SYT7: variants seen among roughly 807,000 people sequenced by gnomAD.
SYT7 encodes synaptotagmin 7, also known as synaptotagmin-7.
Under a neutral mutation model 75.1 loss-of-function variants are expected in SYT7, and 29 were observed. That is an observed-to-expected ratio of 0.39 (90% CI 0.29 to 0.53). The LOEUF is 0.53. SYT7 is among the 20% of genes least tolerant of loss of function. The pLI, the probability that SYT7 is intolerant of heterozygous loss-of-function variation, is 0.77. For synonymous variants in SYT7, 376 were observed against 401.7 expected (o/e 0.94, Z 0.76); for missense variants, 693 against 953.2 (o/e 0.73, Z 3.59).
chr11:61,523,123 G>A lies in SYT7; in HGVS notation c.1908C>T (p.Ile636=), dbSNP rs772294777. Residue 636 remains isoleucine, a synonymous_variant, in exon 12 of 13, where the codon ATC becomes ATT. Coordinates refer to ENST00000539008, the MANE Select transcript of SYT7 (RefSeq NM_001365809.2). The surrounding 1 kb of genome is among the most constrained non-coding windows in gnomAD (Gnocchi z 5.0). ...TEKLRETTII[I]TVMDKDKLSR... ...TGAGCTTGTCCTTGTCCATGACAGT[G>A]ATGATGATGGTCGTCTCCCTCAGCT... 1 of 1,614,228 alleles carries A rather than the reference G, an allele frequency of 6.2e-7. No individual in the cohort carries two copies. The highest frequency in any genetic ancestry group is 1.3e-5 in the African/African-American group (1 of 75,054).
At chr11:61,568,842 T>C (rs758129839) in intron 1 of SYT7, among the ~76,000 whole-genome samples, 1 of 152,202 alleles carries the variant, frequency 6.6e-6, no homozygotes, top group Non-Finnish European at 1.5e-5. Context: ...ACCCTCATGA[T>C]CTTGAGGGGT....
chr11:61,577,352 G>A (rs1201890279), intron 1 of SYT7, among the ~76,000 whole-genome samples: 3 of 152,364 alleles, frequency 2.0e-5, no homozygotes, highest in South Asian at 2.1e-4. Context: ...AGGGAGGCCC[G>A]GGCATGTGCC....
chr11:61,551,710 C>T lies in SYT7; in HGVS notation c.136-247G>A, dbSNP rs2063357432. ...ACCCACCTCGACCCGAACCTCATCC[C>T]TGACTCCCAGGGATCAGCCCCTCCT... On this transcript the variant is annotated intron_variant, in intron 2 of 12. Coordinates refer to ENST00000539008, the MANE Select transcript of SYT7 (RefSeq NM_001365809.2). This position sits in a 1 kb window ranked among gnomAD's most constrained non-coding sequence, Gnocchi z 5.3. 6.6e-6 allele frequency among the ~76,000 whole-genome samples: 1 copy of T among 152,164 alleles called. No individual in the cohort carries two copies. The highest frequency in any genetic ancestry group is 6.5e-5 in the Admixed American group (1 of 15,282).
At chr11:61,575,269 G>A (rs1397628185) in intron 1 of SYT7, among the ~76,000 whole-genome samples, 1 of 152,118 alleles carries the variant, frequency 6.6e-6, no homozygotes, top group Non-Finnish European at 1.5e-5. Flanking sequence ...CTCCAGGAAG[G>A]ACACCGAAGG....
chr11:61,559,299 C>T (rs771994758), intron 1 of SYT7, among the ~76,000 whole-genome samples: 6 of 151,914 alleles, frequency 3.9e-5, no homozygotes, highest in East Asian at 1.9e-4. Flanking sequence ...GGAAGTGAGG[C>T]GAAAGTAGGA....
chr11:61,527,618 G>A (rs1338000051), intron 9 of SYT7, among the ~76,000 whole-genome samples: 1 of 152,168 alleles, frequency 6.6e-6, no homozygotes, highest in East Asian at 1.9e-4. Context: ...TGGCTGTGAT[G>A]CTGGCTCCAT....
At chr11:61,578,274 T>C (rs2064141320) in intron 1 of SYT7, among the ~76,000 whole-genome samples, 1 of 152,128 alleles carries the variant, frequency 6.6e-6, no homozygotes, top group African/African-American at 2.4e-5. Context: ...AGCTGAGCCC[T>C]TAGGGACCTG....
intron 8 of SYT7, among the ~76,000 whole-genome samples, chr11:61,532,439 C>T (rs985931807): frequency 1.3e-5 from 2 of 152,158 alleles, no homozygotes; most frequent in African/African-American, 4.8e-5. Flanking sequence ...TGGGTGTGGA[C>T]AGGAGCCCCC....
At chr11:61,560,699 C>T (rs544407253) in intron 1 of SYT7, among the ~76,000 whole-genome samples, 6 of 152,260 alleles carry the variant, frequency 3.9e-5, no homozygotes, top group Admixed American at 2.0e-4. Flanking sequence ...AGCATGTTCT[C>T]GCCTACCAGC....
chr11:61,541,247 G>A lies in SYT7; in HGVS notation c.941+964C>T, dbSNP rs150370429. ...GCTTAGTGTGCTGGTCTCCTGCTCCGTGAAAAGTGCTCCCAGGGAAGACCT... is the reference window on the plus strand; with the variant it reads ...GCTTAGTGTGCTGGTCTCCTGCTCCATGAAAAGTGCTCCCAGGGAAGACCT... On this transcript the variant is annotated intron_variant, in intron 6 of 12. Coordinates refer to ENST00000539008, the MANE Select transcript of SYT7 (RefSeq NM_001365809.2). 112 of 985,488 alleles carry A rather than the reference G, an allele frequency of 1.1e-4. No individual in the cohort carries two copies. The East Asian group carries it at 3.8e-3, about 33-fold the overall frequency. The allele number at this position is 985,488 out of a possible 1,614,324, so 61.0% of individuals were successfully genotyped here.
chr11:61,581,520 G>C (rs2064273508), upstream of SYT7, among the ~76,000 whole-genome samples: 2 of 152,250 alleles, frequency 1.3e-5, no homozygotes, highest in South Asian at 2.1e-4. Flanking sequence ...CTGGCGGCTC[G>C]AGGGCGTCAG....
chr11:61,573,629 C>G (rs1356200691), intron 1 of SYT7, among the ~76,000 whole-genome samples: 3 of 152,218 alleles, frequency 2.0e-5, no homozygotes, highest in Non-Finnish European at 4.4e-5. Flanking sequence ...AAAATGCCAA[C>G]TCCTTCATAA....
chr11:61,523,851 C>A lies in SYT7; in HGVS notation c.1732G>T (p.Ala578Ser), dbSNP rs2062425843. The A allele has an allele frequency of 6.2e-7, 1 of 1,614,020 alleles. No homozygotes were observed. ...CCTGATGTGCCCCCGATGTCCATGG[C>A]TTTGAGGTTCCGGGCTTTGATGATG... Reference protein sequence around the residue: ...VNIIKARNLKAMDIGGTSDPY... With the variant: ...VNIIKARNLKSMDIGGTSDPY... The change falls in exon 11 of 13, where the codon GCC becomes TCC. Residue 578 changes from alanine (A) to serine (S), a missense_variant. Physicochemically the swap from Ala to Ser is moderately conservative, Grantham distance 99. Coordinates refer to ENST00000539008, the MANE Select transcript of SYT7 (RefSeq NM_001365809.2). This position sits in a 1 kb window ranked among gnomAD's most constrained non-coding sequence, Gnocchi z 5.0.
chr11:61,521,770 ATGAC>A (rs2062343157), intron 12 of SYT7, among the ~76,000 whole-genome samples: 1 of 151,970 alleles, frequency 6.6e-6, no homozygotes, highest in African/African-American at 2.4e-5. Flanking sequence ...CCCTTCCTCC[ATGAC>A]TGCCCTGAGC....
At chr11:61,556,290 C>G in intron 1 of SYT7, 83 bp from the exon 2 acceptor site, 1 of 1,126,604 alleles carries the variant, frequency 8.9e-7, no homozygotes, top group Non-Finnish European at 1.3e-6. Flanking sequence ...AGAACCACCA[C>G]CCTACCCTCC....
intron 3 of SYT7, among the ~76,000 whole-genome samples, chr11:61,548,009 C>T (rs949842800): frequency 5.3e-5 from 8 of 152,228 alleles, no homozygotes; most frequent in Non-Finnish European, 1.2e-4. Flanking sequence ...TTCCTCTGCT[C>T]TCTCTTCTAC....
In SYT7 at chr11:61,551,579, G is replaced by T; in HGVS notation, c.136-116C>A. The T allele has an allele frequency of 9.5e-7, 1 of 1,048,506 alleles. No homozygotes were observed. Among genetic ancestry groups the T allele is most frequent in the Non-Finnish European group, 1.4e-6 (1 of 701,078 alleles). 65.0% of individuals were successfully genotyped at this position (1,048,506 alleles called of 1,614,324 possible). On this transcript the variant is annotated intron_variant, in intron 2 of 12. Coordinates refer to ENST00000539008, the MANE Select transcript of SYT7 (RefSeq NM_001365809.2). The surrounding 1 kb of genome is among the most constrained non-coding windows in gnomAD (Gnocchi z 5.3). ...ACTGGAGTCGGGCCGTGGCAACAAG[G>T]CCAGGACCAGTGTGCGAGGCTGTCA...
chr11:61,551,034 G>A lies in SYT7; in HGVS notation c.215+350C>T, dbSNP rs1341471847. Among the ~76,000 whole-genome samples, 1 of 152,190 alleles carries A rather than the reference G, an allele frequency of 6.6e-6. No homozygotes were observed. The highest frequency in any genetic ancestry group is 2.4e-5 in the African/African-American group (1 of 41,448). On this transcript the variant is annotated intron_variant, in intron 3 of 12. Transcript: ENST00000539008. The surrounding 1 kb of genome is among the most constrained non-coding windows in gnomAD (Gnocchi z 5.3). ...GCCTAGCAGCAGGGGCCCCATGAGA[G>A]GGGCTTGGAGGTCCAGGGAAGCCGG...
At chr11:61,573,259 G>A (rs2063974563) in intron 1 of SYT7, among the ~76,000 whole-genome samples, 1 of 152,190 alleles carries the variant, frequency 6.6e-6, no homozygotes, top group South Asian at 2.1e-4. Flanking sequence ...CCCTGGGCCT[G>A]CCCATCTTGG....
Sources: gnomAD v4.1 joint callset for allele counts (sites outside exome capture counted in the v4.1 genomes callset) on GRCh38, gnomAD v4.1.1 for gene constraint, Gnocchi (gnomAD v3.1) non-coding constraint, MANE v1.5 for transcripts, NCBI Gene and HGNC (gene_info 2026-07-23, HGNC 2026-07-21) for gene names.